DNAAF4: variants seen among roughly 807,000 people sequenced by gnomAD.
The protein encoded by DNAAF4 is dynein assembly factor 4, axonemal.
Under a neutral mutation model 51.8 loss-of-function variants are expected in DNAAF4, and 43 were observed. That is an observed-to-expected ratio of 0.83 (90% CI 0.65 to 1.07). The LOEUF is 1.07. Among genes scored for constraint, DNAAF4 ranks in the 50% least tolerant of loss-of-function variants. DNAAF4 has a pLI of 0.00. For synonymous variants in DNAAF4, 194 were observed against 165.6 expected (o/e 1.17, Z -1.32); for missense variants, 581 against 493.0 (o/e 1.18, Z -1.69).
chr15:55,419,650 A>G (rs1053742381), intron 7 of DNAAF4, among the ~76,000 whole-genome samples: 1 of 152,190 alleles, frequency 6.6e-6, no homozygotes, highest in Non-Finnish European at 1.5e-5. Context: ...CTGATGGCAG[A>G]CTGTACTATG....
chr15:55,500,390 C>T (rs372295029), intron 1 of DNAAF4, among the ~76,000 whole-genome samples: 14 of 152,102 alleles, frequency 9.2e-5, no homozygotes, highest in Non-Finnish European at 7.4e-5. Context: ...TTGTCATTTT[C>T]CCCCTTTTGT....
At chr15:55,448,126 GT>G (rs971564832) in intron 6 of DNAAF4, among the ~76,000 whole-genome samples, 1 of 152,154 alleles carries the variant, frequency 6.6e-6, no homozygotes, top group African/African-American at 2.4e-5. Flanking sequence ...ATGAAGTGCT[GT>G]TGAATTTTGT....
chr15:55,472,614 C>A (rs1595930904), intron 4 of DNAAF4, among the ~76,000 whole-genome samples: 2 of 150,792 alleles, frequency 1.3e-5, no homozygotes, highest in East Asian at 3.9e-4. Context: ...TGAGACTTCT[C>A]AAAAAAAATA....
intron 1 of DNAAF4, among the ~76,000 whole-genome samples, chr15:55,506,528 G>T (rs1405212500): frequency 1.3e-5 from 2 of 152,150 alleles, no homozygotes; most frequent in Non-Finnish European, 2.9e-5. Context: ...AATAATAAAA[G>T]TGTCTCCAGA....
chr15:55,501,226 G>A (rs1328342348), intron 1 of DNAAF4, among the ~76,000 whole-genome samples: 1 of 150,978 alleles, frequency 6.6e-6, no homozygotes, highest in Non-Finnish European at 1.5e-5. Context: ...ACGAAGCCCA[G>A]CTAATTTTTG....
chr15:55,485,225 G>A (rs1595944772), intron 4 of DNAAF4, among the ~76,000 whole-genome samples: 1 of 152,188 alleles, frequency 6.6e-6, no homozygotes, highest in Admixed American at 6.5e-5. Context: ...GTGGAAGACA[G>A]GCTGCTGAGA....
chr15:55,472,227 G>A (rs2058265642), intron 4 of DNAAF4, among the ~76,000 whole-genome samples: 1 of 152,128 alleles, frequency 6.6e-6, no homozygotes, highest in Non-Finnish European at 1.5e-5. Flanking sequence ...ATCCTTGAAG[G>A]TCTTTCAAAG....
At chr15:55,504,441 C>A (rs2058715934) in intron 1 of DNAAF4, among the ~76,000 whole-genome samples, 1 of 151,994 alleles carries the variant, frequency 6.6e-6, no homozygotes, top group Non-Finnish European at 1.5e-5. Flanking sequence ...CATATGGAAC[C>A]AAAAAAGAAC....
chr15:55,432,520 C>T lies in DNAAF4; in HGVS notation c.1130G>A (p.Cys377Tyr). Reference protein sequence around the residue: ...KAHVRRGTAFCQLELYVEGLQ... With the variant: ...KAHVRRGTAFYQLELYVEGLQ... ...ACCTTCTACATACAATTCTAGTTGACAGAATGCTGTTCCACGTCGTACATG... is the reference window on the plus strand; with the variant it reads ...ACCTTCTACATACAATTCTAGTTGATAGAATGCTGTTCCACGTCGTACATG... The change falls in exon 9 of 10, where the codon TGT becomes TAT. Residue 377 changes from cysteine to tyrosine, a missense_variant. Physicochemically the swap from Cys to Tyr is radical, Grantham distance 194. Transcript: ENST00000321149. The T allele has an allele frequency of 6.2e-7, 1 of 1,610,956 alleles. No individual in the cohort carries two copies. Among genetic ancestry groups the T allele is most frequent in the Admixed American group, 1.7e-5 (1 of 59,956 alleles).
At chr15:55,494,099 G>A (rs1029354259) in intron 3 of DNAAF4, among the ~76,000 whole-genome samples, 4 of 149,400 alleles carry the variant, frequency 2.7e-5, no homozygotes, top group Non-Finnish European at 5.9e-5. Flanking sequence ...GCACAATCTC[G>A]GCTCACCGCA....
chr15:55,445,516 C>T (rs2057784871), intron 6 of DNAAF4, among the ~76,000 whole-genome samples: 1 of 152,150 alleles, frequency 6.6e-6, no homozygotes, highest in South Asian at 2.1e-4. Context: ...CACAAAACCG[C>T]CATCGTCATC....
intron 4 of DNAAF4, among the ~76,000 whole-genome samples, chr15:55,487,403 A>AGCACTCTGTAAAATGGACCAATCC (rs2058506296): frequency 6.6e-6 from 1 of 152,084 alleles, no homozygotes; most frequent in Non-Finnish European, 1.5e-5. Context: ...TGGACCAATC[A>AGCACTCTGTAAAATGGACCAATCC]GCACTCTGTA....
At chr15:55,456,930 A>G (rs1372744049) in intron 5 of DNAAF4, among the ~76,000 whole-genome samples, 1 of 152,206 alleles carries the variant, frequency 6.6e-6, no homozygotes, top group Non-Finnish European at 1.5e-5. Context: ...GGAGACGGGA[A>G]GGCAGCCAGT....
intron 3 of DNAAF4, among the ~76,000 whole-genome samples, chr15:55,492,436 T>C (rs760728535): frequency 5.3e-5 from 8 of 152,164 alleles, no homozygotes; most frequent in Non-Finnish European, 1.0e-4. Flanking sequence ...TGAATCCTTA[T>C]AAATCCTTTC....
chr15:55,446,293 A>T (rs1359801756), intron 6 of DNAAF4, among the ~76,000 whole-genome samples: 2 of 44,542 alleles, frequency 4.5e-5, no homozygotes, highest in African/African-American at 3.7e-4. Flanking sequence ...CTCACATCCC[A>T]GACGGGGGGG....
At position 55,498,304 on chromosome 15, in the gene DNAAF4, C is replaced by T. The variant is rs369317160; in HGVS notation, c.26G>A (p.Ser9Asn). The T allele has an allele frequency of 3.7e-5, 59 of 1,612,484 alleles. No individual in the cohort carries two copies. The highest frequency in any genetic ancestry group is 4.7e-5 in the Non-Finnish European group (56 of 1,179,276). MPLQVSDY[S>N]WQQTKTAVFL... ...GACCGCAGTCTTCGTCTGCTGCCAG[C>T]TGTAATCGCTAACCTGAAGAGGCAT... Residue 9 changes from serine to asparagine, a missense_variant, in exon 2 of 10, where the codon AGC (serine) becomes AAC (asparagine). By Grantham distance (46) the Ser-to-Asn change is conservative. Transcript: ENST00000321149.
chr15:55,482,839 A>G (rs1259747977), intron 4 of DNAAF4, among the ~76,000 whole-genome samples: 2 of 152,214 alleles, frequency 1.3e-5, no homozygotes, highest in Admixed American at 6.5e-5. Context: ...ATACTATGCC[A>G]TATTATTCAT....
chr15:55,430,841 A>G (rs945143350), intron 9 of DNAAF4, 62 bp from the exon 10 acceptor site: 76 of 1,305,640 alleles, frequency 5.8e-5, no homozygotes, highest in Middle Eastern at 1.9e-4. Context: ...TCTTTTATCT[A>G]GACAATAGTT....
intron 3 of DNAAF4, among the ~76,000 whole-genome samples, chr15:55,496,558 T>C (rs978846172): frequency 6.6e-6 from 1 of 152,178 alleles, no homozygotes; most frequent in African/African-American, 2.4e-5. Flanking sequence ...TTTCATGGAA[T>C]TACAGGCATG....
Sources: gnomAD v4.1 joint callset for allele counts (sites outside exome capture counted in the v4.1 genomes callset) on GRCh38, gnomAD v4.1.1 for gene constraint, MANE v1.5 for transcripts, NCBI Gene and HGNC (gene_info 2026-07-23, HGNC 2026-07-21) for gene names.